The following RYR2 variants were observed in gnomAD, a reference collection of about 807,000 sequenced individuals.
RYR2 encodes cardiac muscle ryanodine receptor-calcium release channel.
In RYR2, 227 loss-of-function variants were observed where a neutral mutation model predicts 601.1. The ratio of observed to expected loss-of-function variants is 0.38; its 90% confidence interval spans 0.34 to 0.42. The LOEUF (loss-of-function observed/expected upper bound fraction) is 0.42, where lower values mean the gene tolerates loss of function less well. Among genes scored for constraint, RYR2 ranks in the 10% least tolerant of loss-of-function variants. The probability of loss-of-function intolerance (pLI) is 1.00; values close to 1 mark genes in which losing one functional copy is unlikely to be tolerated. For synonymous variants in RYR2, 2,223 were observed against 2,175.1 expected (o/e 1.02, Z -0.61); for missense variants, 4,646 against 6,156.5 (o/e 0.75, Z 8.21).
intron 79 of RYR2, among the ~76,000 whole-genome samples, chr1:237,737,372 T>TC (rs1691241744): frequency 6.6e-6 from 1 of 152,172 alleles, no homozygotes; most frequent in African/African-American, 2.4e-5. Context: ...TCCAGTATAT[T>TC]CATATGTGCC....
intron 35 of RYR2, among the ~76,000 whole-genome samples, chr1:237,602,726 C>T (rs1022291469): frequency 1.3e-5 from 2 of 152,144 alleles, no homozygotes; most frequent in Admixed American, 1.3e-4. Context: ...AAAGGTAGAA[C>T]AAGTCCAAGT....
chr1:237,445,033 C>A (rs929917402), intron 13 of RYR2, among the ~76,000 whole-genome samples: 3 of 152,064 alleles, frequency 2.0e-5, no homozygotes, highest in Non-Finnish European at 4.4e-5. Context: ...CGACTCATTG[C>A]ATTTTTTGAG....
intron 1 of RYR2, among the ~76,000 whole-genome samples, chr1:237,236,108 C>A (rs904636239): frequency 2.0e-5 from 3 of 152,172 alleles, no homozygotes; most frequent in Non-Finnish European, 4.4e-5. Context: ...TACCAAAAAA[C>A]CTCACTTACA....
intron 1 of RYR2, among the ~76,000 whole-genome samples, chr1:237,101,153 G>A (rs919440377): frequency 6.6e-6 from 1 of 152,006 alleles, no homozygotes; most frequent in Non-Finnish European, 1.5e-5. Context: ...TAACTTATTG[G>A]CAGAGCTGGG....
At chr1:237,581,691 A>T (rs1673931859) in intron 29 of RYR2, among the ~76,000 whole-genome samples, 1 of 152,210 alleles carries the variant, frequency 6.6e-6, no homozygotes, top group African/African-American at 2.4e-5. Context: ...TAAGGTTAGT[A>T]GGTCTGTACC....
intron 1 of RYR2, among the ~76,000 whole-genome samples, chr1:237,088,723 A>G (rs894429709): frequency 6.6e-6 from 1 of 152,188 alleles, no homozygotes; most frequent in Non-Finnish European, 1.5e-5. Flanking sequence ...TAAGTTTTCT[A>G]CCTACAAAAT....
intron 100 of RYR2, among the ~76,000 whole-genome samples, chr1:237,812,183 CAGTT>C (rs538208546): frequency 9.7e-4 from 147 of 152,254 alleles, no homozygotes; most frequent in African/African-American, 3.3e-3. Context: ...ATAAGTCACA[CAGTT>C]AGGAAGAGGT....
chr1:237,590,077 T>G, intron 30 of RYR2, 76 bp downstream of exon 30: 1 of 1,303,704 alleles, frequency 7.7e-7, no homozygotes, highest in Non-Finnish European at 1.1e-6. Context: ...GAACTTCTGC[T>G]TAGACAATTA....
At chr1:237,207,569 C>G (rs192606055) in intron 1 of RYR2, among the ~76,000 whole-genome samples, 1 of 152,124 alleles carries the variant, frequency 6.6e-6, no homozygotes, top group Non-Finnish European at 1.5e-5. Context: ...CTTCATGCAG[C>G]CTTCATCTTC....
chr1:237,200,641 G>A (rs769361116), intron 1 of RYR2, among the ~76,000 whole-genome samples: 10 of 152,054 alleles, frequency 6.6e-5, no homozygotes, highest in Admixed American at 3.9e-4. Context: ...GATTCTGGGG[G>A]GATTACTTTT....
At chr1:237,651,961 C>G (rs368334366) in intron 51 of RYR2, among the ~76,000 whole-genome samples, 8 of 151,908 alleles carry the variant, frequency 5.3e-5, no homozygotes, top group Admixed American at 5.2e-4. Context: ...GGCGTGAACC[C>G]GGGAGGTGGA....
At chr1:237,385,245 C>A (rs1701874726) in intron 8 of RYR2, among the ~76,000 whole-genome samples, 1 of 152,128 alleles carries the variant, frequency 6.6e-6, no homozygotes, top group South Asian at 2.1e-4. Flanking sequence ...CAAAATATCA[C>A]ATGTAGCCCA....
intron 17 of RYR2, among the ~76,000 whole-genome samples, chr1:237,476,717 G>A (rs181511340): frequency 1.2e-4 from 18 of 152,170 alleles, no homozygotes; most frequent in African/African-American, 3.9e-4. Context: ...GAAATAAATT[G>A]TGCCATAATC....
In RYR2 at chr1:237,730,356, A is replaced by G. The variant is rs770623086; in HGVS notation, c.10935A>G (p.Ala3645=). ...YFEDKLIEDL[A]KPGAEPPEED... The stretch of plus-strand genomic sequence containing the variant: ...AAGATAAACTGATAGAAGATTTAGC[A>G]GTATGTTTTTAGTGGGGCTCTAAGA... The change falls in exon 77 of 105, where the codon GCA becomes GCG. Residue 3645 remains alanine, a splice_region_variant and synonymous_variant. Coordinates refer to ENST00000366574, the MANE Select transcript of RYR2 (RefSeq NM_001035.3). The G allele has an allele frequency of 1.9e-6, 3 of 1,543,644 alleles. No homozygotes were observed. Among genetic ancestry groups the G allele is most frequent in the African/African-American group, 2.7e-5 (2 of 73,666 alleles).
chr1:237,803,943 C>T (rs1660306789), intron 98 of RYR2, among the ~76,000 whole-genome samples: 1 of 152,116 alleles, frequency 6.6e-6, no homozygotes, highest in South Asian at 2.1e-4. Context: ...GGCTTTGCCA[C>T]TTACAATGAT....
chr1:237,505,359 C>T (rs1208197020), intron 22 of RYR2, among the ~76,000 whole-genome samples: 1 of 152,094 alleles, frequency 6.6e-6, no homozygotes, highest in Non-Finnish European at 1.5e-5. Context: ...AAGTTTGTTT[C>T]TTAGTTTTTA....
At position 237,614,231 on chromosome 1, in the gene RYR2, C is replaced by T. The variant is rs1469039050; in HGVS notation, c.5103C>T (p.Gly1701=). The T allele has an allele frequency of 6.2e-7, 1 of 1,613,906 alleles. No individual in the cohort carries two copies. Among genetic ancestry groups the T allele is most frequent in the Non-Finnish European group, 8.5e-7 (1 of 1,179,902 alleles). The change falls in exon 37 of 105, where the codon GGC becomes GGT. Residue 1701 remains glycine (G), a synonymous_variant. Coordinates refer to ENST00000366574, the MANE Select transcript of RYR2 (RefSeq NM_001035.3). The surrounding 1 kb of genome is among the most constrained non-coding windows in gnomAD (Gnocchi z 4.3). ...ACATGCCTGGTTTGCTGCGTGCTGG[C>T]TACTATGACCTGCTGATTGACATCC... ...NKYMPGLLRA[G]YYDLLIDIHL...
At chr1:237,209,499 G>C (rs867752844) in intron 1 of RYR2, among the ~76,000 whole-genome samples, 1 of 147,522 alleles carries the variant, frequency 6.8e-6, no homozygotes, top group African/African-American at 2.6e-5. Context: ...CTGCATATAT[G>C]TGTGTGTGTG....
intron 17 of RYR2, among the ~76,000 whole-genome samples, chr1:237,471,868 A>G (rs930981867): frequency 1.3e-5 from 2 of 151,676 alleles, no homozygotes; most frequent in Admixed American, 6.6e-5. Flanking sequence ...GGACCCTTAG[A>G]GTATATTTAA....
Sources: gnomAD v4.1 joint callset for allele counts (sites outside exome capture counted in the v4.1 genomes callset) on GRCh38, gnomAD v4.1.1 for gene constraint, Gnocchi (gnomAD v3.1) non-coding constraint, MANE v1.5 for transcripts, NCBI Gene and HGNC (gene_info 2026-07-23, HGNC 2026-07-21) for gene names.